The following PAK2 variants were observed in gnomAD, a reference collection of about 807,000 sequenced individuals.
PAK2 encodes the protein p21 (RAC1) activated kinase 2.
A neutral mutation model predicts 65.9 loss-of-function variants in PAK2; 21 were observed. The ratio of observed to expected loss-of-function variants is 0.32; its 90% CI spans 0.23 to 0.46. The LOEUF (loss-of-function observed/expected upper bound fraction) is 0.46. PAK2 is among the 20% of genes least tolerant of loss of function. The probability of loss-of-function intolerance (pLI) is 1.00; values close to 1 mark genes in which losing one functional copy is unlikely to be tolerated. For missense variants in PAK2, 324 were observed against 642.6 expected, an observed-to-expected ratio of 0.50 and a Z score of 5.36; for synonymous variants, 204 against 219.7, an observed-to-expected ratio of 0.93 and a Z score of 0.63.
At chr3:196,765,613 T>A (rs1003454292) in intron 1 of PAK2, among the ~76,000 whole-genome samples, 5 of 152,216 alleles carry the variant, frequency 3.3e-5, no homozygotes, top group African/African-American at 4.8e-5. Context: ...TTAATTTACA[T>A]TTCATTAATG....
chr3:196,797,399 G>A (rs1235581970), intron 2 of PAK2, among the ~76,000 whole-genome samples: 6 of 151,974 alleles, frequency 3.9e-5, no homozygotes, highest in Admixed American at 1.3e-4. Context: ...GGAGGCAGAG[G>A]CTGCAGTGAG....
Position 196,767,895 on chromosome 3 carries a change from C to T in PAK2, c.-21-14731C>T, listed in dbSNP as rs1052986687. On this transcript the variant is annotated intron_variant, in intron 1 of 14. Transcript: ENST00000327134. ...TCTATACATAGGGGTGACCACAGTG[C>T]GGTCTCATCATATGGACTCTGCTGT... 1.2e-4 allele frequency among the ~76,000 whole-genome samples: 19 copies of T among 152,168 alleles called. 1 individual carries two copies. The highest frequency in any genetic ancestry group is 7.8e-4 in the Admixed American group (12 of 15,294).
At chr3:196,795,159 T>A (rs1715208521) in intron 2 of PAK2, among the ~76,000 whole-genome samples, 2 of 152,050 alleles carry the variant, frequency 1.3e-5, no homozygotes, top group East Asian at 3.9e-4. Flanking sequence ...TCAAATTGTT[T>A]AAAACCAGTG....
chr3:196,797,535 T>C (rs1386042528), intron 2 of PAK2, among the ~76,000 whole-genome samples: 2 of 151,854 alleles, frequency 1.3e-5, no homozygotes, highest in African/African-American at 4.8e-5. Context: ...GGGTGGATCA[T>C]GAGGTCAGGA....
chr3:196,770,423 A>G (rs1004586277), intron 1 of PAK2, among the ~76,000 whole-genome samples: 3 of 151,830 alleles, frequency 2.0e-5, no homozygotes, highest in African/African-American at 7.3e-5. Context: ...TGGGAGGATC[A>G]GGTGGGAGGA....
At chr3:196,816,497 T>A (rs1461238017) in intron 11 of PAK2, among the ~76,000 whole-genome samples, 1 of 152,210 alleles carries the variant, frequency 6.6e-6, no homozygotes, top group Non-Finnish European at 1.5e-5. Flanking sequence ...AAAAATTAAT[T>A]TTGGAAGTTC....
intron 1 of PAK2, among the ~76,000 whole-genome samples, chr3:196,773,598 G>A (rs1316264478): frequency 1.3e-5 from 2 of 152,052 alleles, no homozygotes; most frequent in South Asian, 2.1e-4. Flanking sequence ...AGTTCAGGCC[G>A]GGCACAGTGG....
chr3:196,785,118 A>G (rs762171266), intron 2 of PAK2: 1 of 152,200 alleles, frequency 6.6e-6, no homozygotes, highest in Admixed American at 6.5e-5. Context: ...CCCAGATGAT[A>G]ATGATGTGCA....
At chr3:196,814,787 G>GAAA (rs1282803279) in intron 11 of PAK2, among the ~76,000 whole-genome samples, 1 of 152,110 alleles carries the variant, frequency 6.6e-6, no homozygotes, top group Non-Finnish European at 1.5e-5. Flanking sequence ...GTGGACCTTT[G>GAAA]AAGATCCAGA....
chr3:196,797,754 A>T (rs967191328), intron 2 of PAK2, among the ~76,000 whole-genome samples: 9 of 152,248 alleles, frequency 5.9e-5, no homozygotes, highest in African/African-American at 2.2e-4. Context: ...CTGTCTCAAA[A>T]AAAAATAAAA....
intron 2 of PAK2, among the ~76,000 whole-genome samples, chr3:196,796,193 C>T (rs181904900): frequency 6.6e-6 from 1 of 152,234 alleles, no homozygotes; most frequent in East Asian, 1.9e-4. Flanking sequence ...GGGCTGGGGA[C>T]CCTTGTGGTA....
At chr3:196,781,078 G>A (rs1714700261) in intron 1 of PAK2, among the ~76,000 whole-genome samples, 2 of 152,210 alleles carry the variant, frequency 1.3e-5, no homozygotes, top group African/African-American at 4.8e-5. Flanking sequence ...ATGAGCCATC[G>A]TGCCCAGCTA....
rs1055054996 is a variant in PAK2, at chr3:196,802,888, C to A, written c.289-129C>A. The stretch of plus-strand genomic sequence containing the variant: ...AAAATAGACCTTTAGAAAATGAGAT[C>A]TTTTAAAATTTACTCAAACCTACAC... On this transcript the variant is annotated intron_variant, in intron 3 of 14. Transcript: ENST00000327134. 68 of 559,872 alleles carry A rather than the reference C, an allele frequency of 1.2e-4. 1 individual carries two copies. The highest frequency in any genetic ancestry group is 1.7e-4 in the East Asian group (5 of 29,350). 34.7% of individuals were successfully genotyped at this position (559,872 alleles called of 1,614,324 possible). A position where few individuals can be genotyped will look rare whatever the true frequency, so the allele number is the denominator to read the frequency against.
chr3:196,802,176 A>G, intron 3 of PAK2, 149 bp downstream of exon 3: 1 of 626,916 alleles, frequency 1.6e-6, no homozygotes, highest in South Asian at 1.9e-5. Context: ...AGGCTGGCAG[A>G]TCATTTGAGG....
At chr3:196,769,625 C>G (rs551649043) in intron 1 of PAK2, among the ~76,000 whole-genome samples, 1 of 144,136 alleles carries the variant, frequency 6.9e-6, no homozygotes, top group South Asian at 2.2e-4. Flanking sequence ...TCCTGGCTAA[C>G]ACGGTGAAAC....
At chr3:196,811,850 C>G (rs918392515) in intron 8 of PAK2, among the ~76,000 whole-genome samples, 2 of 152,058 alleles carry the variant, frequency 1.3e-5, no homozygotes, top group Non-Finnish European at 2.9e-5. Flanking sequence ...ACACCAAATA[C>G]AGATCACCTT....
At chr3:196,787,367 T>C (rs1714924001) in intron 2 of PAK2, among the ~76,000 whole-genome samples, 1 of 151,654 alleles carries the variant, frequency 6.6e-6, no homozygotes, top group Admixed American at 6.6e-5. Context: ...GATCACGAGG[T>C]CAGGAGAGCG....
chr3:196,753,650 C>T (rs1713681957), intron 1 of PAK2, among the ~76,000 whole-genome samples: 1 of 152,160 alleles, frequency 6.6e-6, no homozygotes, highest in Non-Finnish European at 1.5e-5. Context: ...CTAGTATTTT[C>T]ACTAGGAGTA....
At chr3:196,816,680 G>C (rs1716036753) in intron 11 of PAK2, among the ~76,000 whole-genome samples, 1 of 152,126 alleles carries the variant, frequency 6.6e-6, no homozygotes, top group African/African-American at 2.4e-5. Context: ...GAAGATTTTG[G>C]ATGAGATTTT....
Sources: allele counts gnomAD v4.1 joint callset (sites outside exome capture counted in the v4.1 genomes callset), GRCh38; gene constraint gnomAD v4.1.1; transcripts MANE v1.5; gene names NCBI Gene and HGNC (gene_info 2026-07-23, HGNC 2026-07-21).